CRLS1: variants seen among roughly 807,000 people sequenced by gnomAD.
CRLS1 encodes cardiolipin synthase (CMP-forming).
CRLS1 carries 24 observed loss-of-function variants against 37.0 expected under a neutral mutation model. The observed-to-expected ratio is 0.65, with a 90% CI of 0.47 to 0.91. The LOEUF (loss-of-function observed/expected upper bound fraction) is 0.91, where lower values mean the gene tolerates loss of function less well. Among genes scored for constraint, CRLS1 ranks in the 40% least tolerant of loss-of-function variants. The probability of loss-of-function intolerance (pLI) is 0.00; values close to 1 mark genes in which losing one functional copy is unlikely to be tolerated. For missense variants in CRLS1, 373 were observed against 395.8 expected, an observed-to-expected ratio of 0.94 and a Z score of 0.49; for synonymous variants, 135 against 159.7, an observed-to-expected ratio of 0.85 and a Z score of 1.17.
At chr20:6,031,843 G>T (rs535870262) in intron 4 of CRLS1, among the ~76,000 whole-genome samples, 169 bp from the exon 5 acceptor site, 1 of 152,168 alleles carries the variant, frequency 6.6e-6, no homozygotes, top group Admixed American at 6.5e-5. Context: ...GAATTTTACA[G>T]CAATTGAAAA....
intron 1 of CRLS1, chr20:6,007,312 C>CT: frequency 6.3e-7 from 1 of 1,588,350 alleles, no homozygotes; most frequent in Non-Finnish European, 8.6e-7. Flanking sequence ...CCACTGATAG[C>CT]TAAAGCATGT....
At chr20:6,036,036 C>T (rs1276201837) in intron 6 of CRLS1, among the ~76,000 whole-genome samples, 2 of 152,082 alleles carry the variant, frequency 1.3e-5, no homozygotes, top group Admixed American at 1.3e-4. Flanking sequence ...AACTCCTGGC[C>T]TCAGTTGATC....
At chr20:6,034,426 G>T in intron 5 of CRLS1, 38 bp from the exon 6 acceptor site, 2 of 1,402,052 alleles carry the variant, frequency 1.4e-6, no homozygotes, top group Non-Finnish European at 2.0e-6. Flanking sequence ...GGATCCAGTT[G>T]GCACTATTCA....
chr20:6,011,572 CTTTTTTTTTTTTTTTTTTTTTT>C (rs559511975), intron 2 of CRLS1, among the ~76,000 whole-genome samples: 5 of 27,854 alleles, frequency 1.8e-4, no homozygotes, highest in East Asian at 1.7e-3. Context: ...TTTGTCCCTG[CTTTTTTTTTTTTTTTTTTTTTT>C]TTTTTTTTTT....
intron 5 of CRLS1, 104 bp from the exon 6 acceptor site, chr20:6,034,360 G>A (rs1980395672): frequency 2.8e-6 from 2 of 718,846 alleles, no homozygotes; most frequent in African/African-American, 3.5e-5. Context: ...AGCATGCTGA[G>A]GGTATGTCAT....
At chr20:6,011,292 CGTCT>C (rs2090128985) in intron 2 of CRLS1, among the ~76,000 whole-genome samples, 1 of 151,928 alleles carries the variant, frequency 6.6e-6, no homozygotes, top group African/African-American at 2.4e-5. Context: ...AGTTGTATGC[CGTCT>C]TTCTTTGTAA....
intron 1 of CRLS1, among the ~76,000 whole-genome samples, chr20:6,008,058 T>C (rs1384192383): frequency 6.6e-6 from 1 of 151,756 alleles, no homozygotes; most frequent in Non-Finnish European, 1.5e-5. Context: ...GGGTTTCTTT[T>C]ATAAACACAG....
intron 3 of CRLS1, among the ~76,000 whole-genome samples, chr20:6,030,559 C>T (rs1003663690): frequency 2.6e-4 from 40 of 151,994 alleles, no homozygotes; most frequent in African/African-American, 8.9e-4. Flanking sequence ...CCCTTCTCTA[C>T]AAAAATACAA....
chr20:6,032,117 G>C, intron 5 of CRLS1, 37 bp downstream of exon 5: 1 of 1,507,888 alleles, frequency 6.6e-7, no homozygotes. Context: ...TTATTCCTTT[G>C]TAAATTTTTA....
chr20:6,036,669 C>T (rs1980571752), intron 6 of CRLS1, among the ~76,000 whole-genome samples: 1 of 152,160 alleles, frequency 6.6e-6, no homozygotes, highest in Non-Finnish European at 1.5e-5. Context: ...CCCGGGTCTT[C>T]CATTTCCCCC....
chr20:6,022,031 C>A (rs1027542582), intron 3 of CRLS1, among the ~76,000 whole-genome samples: 3 of 151,982 alleles, frequency 2.0e-5, no homozygotes, highest in African/African-American at 7.2e-5. Flanking sequence ...ATACAATGTT[C>A]ATTTAAATTT....
chr20:6,020,686 A>G (rs1305649867), intron 3 of CRLS1, among the ~76,000 whole-genome samples: 1 of 149,544 alleles, frequency 6.7e-6, no homozygotes, highest in Non-Finnish European at 1.5e-5. Flanking sequence ...GCAGTGGCGC[A>G]ATCTTGGCTC....
At chr20:6,007,228 A>G in intron 1 of CRLS1, 2 of 1,467,896 alleles carry the variant, frequency 1.4e-6, no homozygotes, top group Admixed American at 5.4e-5. Flanking sequence ...TTATGTCTTC[A>G]GTGGCCCCTG....
intron 5 of CRLS1, among the ~76,000 whole-genome samples, chr20:6,033,247 A>G (rs966403292): frequency 1.3e-5 from 2 of 151,802 alleles, no homozygotes; most frequent in Non-Finnish European, 2.9e-5. Context: ...CTCCTGCCTC[A>G]GTCTCCCAAG....
chr20:6,011,503 T>C (rs2090131905), intron 2 of CRLS1, among the ~76,000 whole-genome samples: 1 of 151,074 alleles, frequency 6.6e-6, no homozygotes, highest in Non-Finnish European at 1.5e-5. Context: ...TTCCAGAGTT[T>C]AGCGTCTACT....
At chr20:6,017,933 T>G (rs1375502958) in intron 3 of CRLS1, among the ~76,000 whole-genome samples, 1 of 152,158 alleles carries the variant, frequency 6.6e-6, no homozygotes, top group African/African-American at 2.4e-5. Flanking sequence ...AATTTCATTT[T>G]CTGGCCGGGC....
At position 6,031,425 on chromosome 20, in the gene CRLS1, A is replaced by C. The variant is rs1200162703; in HGVS notation, c.660+55A>C. On this transcript the variant is annotated intron_variant, in intron 4 of 6. Coordinates refer to ENST00000378863, the MANE Select transcript of CRLS1 (RefSeq NM_019095.6). ...AGCATTATATATGATTTAAGGAAAA[A>C]GCAAAAAGACATATTTTTGCGTCAA... 3.0e-6 allele frequency: 4 copies of C among 1,352,094 alleles called. No individual in the cohort carries two copies. The African/African-American group carries it at 5.8e-5, about 20-fold the overall frequency. 83.8% of individuals were successfully genotyped at this position (1,352,094 alleles called of 1,614,324 possible).
rs1827159093 is a variant in CRLS1, at chr20:6,034,375, T to C, written c.730-89T>C. The stretch of plus-strand genomic sequence containing the variant: ...AGCATGCTGAGGGTATGTCATGTTA[T>C]AGTGTGATGGGCTGTGCTTTTGTCT... On this transcript the variant is annotated intron_variant, in intron 5 of 6. Coordinates refer to ENST00000378863, the MANE Select transcript of CRLS1 (RefSeq NM_019095.6). The C allele has an allele frequency of 6.1e-6, 5 of 816,192 alleles. No homozygotes were observed. The African/African-American group carries it at 6.8e-5, about 11-fold the overall frequency. 50.6% of individuals were successfully genotyped at this position (816,192 alleles called of 1,614,324 possible).
chr20:6,038,071 TATAAC>T lies in CRLS1; in HGVS notation c.*917_*921del, dbSNP rs1412007119. The stretch of plus-strand genomic sequence containing the variant: ...TGTACCTTCAACTCAGGTTGTTCCA[TATAAC>T]ATACGTATTCTCTGCTGTTACGTAA... On this transcript the variant is annotated 3_prime_UTR_variant, in exon 7 of 7. Transcript: ENST00000378863. 1 of 152,270 alleles carries T rather than the reference TATAAC, an allele frequency of 6.6e-6. No individual in the cohort carries two copies. The highest frequency in any genetic ancestry group is 1.9e-4 in the East Asian group (1 of 5,206). The allele number at this position is 152,270 out of a possible 1,614,324, so 9.4% of individuals were successfully genotyped here.
Sources: allele counts gnomAD v4.1 joint callset (sites outside exome capture counted in the v4.1 genomes callset), GRCh38; gene constraint gnomAD v4.1.1; transcripts MANE v1.5; gene names NCBI Gene and HGNC (gene_info 2026-07-23, HGNC 2026-07-21).